TMEM131L: variants seen among roughly 807,000 people sequenced by gnomAD.
TMEM131L encodes the protein transmembrane 131 like.
In TMEM131L, 54 loss-of-function variants were observed where a neutral mutation model predicts 192.2. That is an observed-to-expected ratio of 0.28 (90% CI 0.23 to 0.35). TMEM131L has a LOEUF of 0.35. Among genes scored for constraint, TMEM131L ranks in the 10% least tolerant of loss-of-function variants. TMEM131L has a pLI of 1.00. For synonymous variants in TMEM131L, 701 were observed against 704.9 expected (o/e 0.99, Z 0.09); for missense variants, 1,888 against 1,972.9 (o/e 0.96, Z 0.82).
intron 3 of TMEM131L, among the ~76,000 whole-genome samples, chr4:153,500,020 G>A (rs1733478702): frequency 1.3e-5 from 2 of 150,836 alleles, no homozygotes; most frequent in Non-Finnish European, 2.9e-5. Flanking sequence ...ATGTTAACTT[G>A]GTCAGAACCA....
chr4:153,504,257 GCGGT>G (rs1733818373), intron 3 of TMEM131L, among the ~76,000 whole-genome samples: 1 of 132,772 alleles, frequency 7.5e-6, no homozygotes, highest in South Asian at 2.6e-4. Context: ...GTGAGCCACC[GCGGT>G]CGGCCTTTTT....
At chr4:153,558,041 G>T (rs1480177912) in intron 6 of TMEM131L, among the ~76,000 whole-genome samples, 1 of 152,214 alleles carries the variant, frequency 6.6e-6, no homozygotes, top group Non-Finnish European at 1.5e-5. Context: ...AAAGTGTTGG[G>T]ATTACAGGCG....
intron 3 of TMEM131L, among the ~76,000 whole-genome samples, chr4:153,506,383 G>A (rs1311902740): frequency 6.6e-6 from 1 of 152,180 alleles, no homozygotes; most frequent in Non-Finnish European, 1.5e-5. Context: ...ATTTTAGGGA[G>A]TGACAGCCAA....
intron 29 of TMEM131L, among the ~76,000 whole-genome samples, chr4:153,623,900 C>T (rs1478562151): frequency 6.9e-6 from 1 of 145,150 alleles, no homozygotes; most frequent in Non-Finnish European, 1.5e-5. Context: ...GCCATATTTG[C>T]TTTTTTTTTT....
intron 19 of TMEM131L, among the ~76,000 whole-genome samples, chr4:153,594,758 G>A (rs1731309603): frequency 6.6e-6 from 1 of 152,138 alleles, no homozygotes; most frequent in Non-Finnish European, 1.5e-5. Flanking sequence ...TAAGTGTTGA[G>A]GCAGCACTGG....
At chr4:153,584,591 C>G (rs1433828742) in intron 11 of TMEM131L, among the ~76,000 whole-genome samples, 1 of 152,154 alleles carries the variant, frequency 6.6e-6, no homozygotes, top group Non-Finnish European at 1.5e-5. Context: ...AAGTGAGCTT[C>G]TTGTTTCACT....
At chr4:153,513,672 C>T (rs1031054466) in intron 3 of TMEM131L, among the ~76,000 whole-genome samples, 1 of 152,118 alleles carries the variant, frequency 6.6e-6, no homozygotes, top group Non-Finnish European at 1.5e-5. Flanking sequence ...GGTCTGTAGC[C>T]AGTGTCTTTG....
rs1392234962 is a variant in TMEM131L at position 153,466,388 on chromosome 4, GAGC to G, written c.-2_1del. The G allele has an allele frequency of 7.6e-7, 1 of 1,309,236 alleles. No individual in the cohort carries two copies. The highest frequency in any genetic ancestry group is 9.8e-7 in the Non-Finnish European group (1 of 1,025,562). 81.1% of individuals were successfully genotyped at this position (1,309,236 alleles called of 1,614,324 possible). ...CGCGGCGAGCAACGGAGAGGAGCGCGAGCAGCAGCATGGCGGGGCTCCGACGCC... is the reference window on the plus strand; with the variant it reads ...CGCGGCGAGCAACGGAGAGGAGCGCGAGCAGCATGGCGGGGCTCCGACGCC... On this transcript the variant is annotated 5_prime_UTR_variant, in exon 1 of 35. Coordinates refer to ENST00000409959, the MANE Select transcript of TMEM131L (RefSeq NM_001131007.2).
intron 2 of TMEM131L, among the ~76,000 whole-genome samples, chr4:153,470,018 GTTGA>G (rs906718149): frequency 1.5e-4 from 22 of 151,026 alleles, no homozygotes; most frequent in Admixed American, 5.3e-4. Context: ...GATGTCTCCT[GTTGA>G]TTAAGTCTTT....
chr4:153,541,635 C>T (rs1019179616), intron 3 of TMEM131L, among the ~76,000 whole-genome samples: 6 of 152,170 alleles, frequency 3.9e-5, no homozygotes, highest in Admixed American at 1.3e-4. Context: ...GAGTCTAGGC[C>T]ACAGATACAC....
chr4:153,482,289 A>G (rs1295703003), intron 3 of TMEM131L, among the ~76,000 whole-genome samples: 2 of 151,936 alleles, frequency 1.3e-5, no homozygotes, highest in Non-Finnish European at 1.5e-5. Flanking sequence ...AATGCATTCA[A>G]CCATGGTCTG....
At chr4:153,622,291 G>C (rs1197094191) in intron 28 of TMEM131L, among the ~76,000 whole-genome samples, 5 of 152,176 alleles carry the variant, frequency 3.3e-5, no homozygotes, top group Non-Finnish European at 7.3e-5. Context: ...TGAGTCCAGG[G>C]TCTGGTACCG....
Position 153,497,895 on chromosome 4 carries a change from A to G in TMEM131L, c.239+24007A>G, listed in dbSNP as rs1240023471. ...AAAATTTCCAAAAAAAAAAAAAAAA[A>G]AAAAGAAAAGTTGAGAGACTTGTAC... On this transcript the variant is annotated intron_variant, in intron 3 of 34. Coordinates refer to ENST00000409959, the MANE Select transcript of TMEM131L (RefSeq NM_001131007.2). Among the ~76,000 whole-genome samples the G allele has an allele frequency of 1.2e-3, 174 of 150,820 alleles. 1 individual carries two copies. Among genetic ancestry groups the G allele is most frequent in the African/African-American group, 3.7e-3 (150 of 40,764 alleles).
chr4:153,625,790 C>T (rs1049205752), intron 29 of TMEM131L, among the ~76,000 whole-genome samples: 1 of 151,848 alleles, frequency 6.6e-6, no homozygotes, highest in Non-Finnish European at 1.5e-5. Context: ...CACCTGTAAT[C>T]CCACCTACTT....
intron 3 of TMEM131L, among the ~76,000 whole-genome samples, chr4:153,546,298 T>A (rs920121191): frequency 2.2e-4 from 34 of 152,018 alleles, no homozygotes; most frequent in Admixed American, 2.2e-3. Flanking sequence ...CATTGATTTC[T>A]ACAAGATGCA....
At chr4:153,590,444 A>G (rs1357592431) in intron 16 of TMEM131L, among the ~76,000 whole-genome samples, 1 of 152,214 alleles carries the variant, frequency 6.6e-6, no homozygotes, top group Non-Finnish European at 1.5e-5. Flanking sequence ...GGTTTAGGTG[A>G]TGAGTGACAG....
chr4:153,573,997 A>G (rs1220003050), intron 7 of TMEM131L, among the ~76,000 whole-genome samples: 1 of 152,182 alleles, frequency 6.6e-6, no homozygotes, highest in Non-Finnish European at 1.5e-5. Context: ...CTCATTTAGC[A>G]CCCATCATAT....
intron 26 of TMEM131L, among the ~76,000 whole-genome samples, chr4:153,613,506 G>T (rs980545668): frequency 6.6e-6 from 1 of 152,266 alleles, no homozygotes. Context: ...CATTTTTACA[G>T]TCTTTTTCTT....
intron 1 of TMEM131L, 78 bp downstream of exon 1, chr4:153,466,599 A>G (rs1000350937): frequency 3.1e-5 from 38 of 1,208,182 alleles, no homozygotes; most frequent in African/African-American, 9.5e-5. Context: ...GCTGAAATCT[A>G]TAAGAGGGCG....
Sources: allele counts gnomAD v4.1 joint callset (sites outside exome capture counted in the v4.1 genomes callset), GRCh38; gene constraint gnomAD v4.1.1; transcripts MANE v1.5; gene names NCBI Gene and HGNC (gene_info 2026-07-23, HGNC 2026-07-21).